NEK10: variants seen among roughly 807,000 people sequenced by gnomAD.
NEK10 encodes serine/threonine-protein kinase Nek10.
In NEK10, 122 loss-of-function variants were observed where a neutral mutation model predicts 159.8. The observed-to-expected ratio is 0.76, with a 90% CI of 0.66 to 0.89. The LOEUF (loss-of-function observed/expected upper bound fraction) is 0.89. NEK10 is among the 40% of genes least tolerant of loss of function. The pLI, the probability that NEK10 is intolerant of heterozygous loss-of-function variation, is 0.00. For missense variants in NEK10, 1,342 were observed against 1,323.1 expected, an observed-to-expected ratio of 1.01 and a Z score of -0.22; for synonymous variants, 466 against 457.1, an observed-to-expected ratio of 1.02 and a Z score of -0.25.
chr3:27,132,825 G>A (rs1281373667), intron 31 of NEK10, among the ~76,000 whole-genome samples: 4 of 152,086 alleles, frequency 2.6e-5, no homozygotes, highest in Non-Finnish European at 4.4e-5. Context: ...GAACTTGAAG[G>A]GAGAGAAAGA....
chr3:27,229,217 A>C (rs1332712092), intron 23 of NEK10, among the ~76,000 whole-genome samples: 1 of 152,202 alleles, frequency 6.6e-6, no homozygotes, highest in Non-Finnish European at 1.5e-5. Flanking sequence ...ACCAGCATCT[A>C]GGAAAGCCAG....
chr3:27,174,868 T>C (rs1460425010), intron 26 of NEK10, 35 bp from the exon 27 acceptor site: 6 of 1,507,772 alleles, frequency 4.0e-6, no homozygotes, highest in Non-Finnish European at 4.5e-6. Context: ...ATAGCCTCTT[T>C]CTCTATCCTT....
At chr3:27,128,706 T>C (rs1942265158) in intron 32 of NEK10, among the ~76,000 whole-genome samples, 1 of 152,082 alleles carries the variant, frequency 6.6e-6, no homozygotes, top group African/African-American at 2.4e-5. Context: ...AATTTATTAT[T>C]CTTATTGATG....
At chr3:27,187,880 A>G (rs1559574596) in intron 26 of NEK10, among the ~76,000 whole-genome samples, 1 of 152,174 alleles carries the variant, frequency 6.6e-6, no homozygotes, top group Non-Finnish European at 1.5e-5. Flanking sequence ...CAGCTTAATG[A>G]GGTATTCACA....
At chr3:27,207,217 T>G (rs1416867075) in intron 23 of NEK10, among the ~76,000 whole-genome samples, 1 of 152,212 alleles carries the variant, frequency 6.6e-6, no homozygotes, top group African/African-American at 2.4e-5. Context: ...AAATGCTAGT[T>G]CTTTCCTCAA....
At position 27,346,254 on chromosome 3, in the gene NEK10, A is replaced by G. The variant is rs754128642; in HGVS notation, c.133-38T>C. On this transcript the variant is annotated intron_variant, in intron 3 of 35. Transcript: ENST00000691995. The stretch of plus-strand genomic sequence containing the variant: ...AAGCATAGAGTACATGAGGATCACA[A>G]TTCAGCACGGGATAAAGAAAGTAAC... 14 of 1,610,148 alleles carry G rather than the reference A, an allele frequency of 8.7e-6. No homozygotes were observed. The South Asian group carries it at 9.9e-5, about 11-fold the overall frequency.
At position 27,325,623 on chromosome 3, in the gene NEK10, TCCCCA is replaced by T. The variant is rs550576941; in HGVS notation, c.363-3367_363-3363del. 2.7e-3 allele frequency among the ~76,000 whole-genome samples: 411 copies of T among 151,990 alleles called. 3 individuals carry two copies. The highest frequency in any genetic ancestry group is 9.7e-3 in the African/African-American group (401 of 41,452). The stretch of plus-strand genomic sequence containing the variant: ...TAGTGACTGCCACTAGAGGTGCTAC[TCCCCA>T]CCCCACCCCACTCACACTCCACCCC... On this transcript the variant is annotated intron_variant, in intron 5 of 35. Coordinates refer to ENST00000691995, the MANE Select transcript of NEK10 (RefSeq NM_001394966.1).
chr3:27,356,433 C>T (rs2048331888), intron 1 of NEK10, among the ~76,000 whole-genome samples: 1 of 152,050 alleles, frequency 6.6e-6, no homozygotes, highest in African/African-American at 2.4e-5. Context: ...TTGCTTGAGC[C>T]CAGGAGGTTG....
chr3:27,271,194 T>C (rs371508941), intron 22 of NEK10, among the ~76,000 whole-genome samples: 3 of 143,312 alleles, frequency 2.1e-5, no homozygotes, highest in South Asian at 2.3e-4. Flanking sequence ...TATCTATCTA[T>C]CTACCTATCT....
At chr3:27,283,323 T>C (rs934182666) in intron 22 of NEK10, among the ~76,000 whole-genome samples, 2 of 152,106 alleles carry the variant, frequency 1.3e-5, no homozygotes, top group Non-Finnish European at 1.5e-5. Flanking sequence ...GGCAACCCAA[T>C]GGGAGTAGGG....
chr3:27,233,034 A>C (rs2149218658), intron 23 of NEK10, among the ~76,000 whole-genome samples: 2 of 152,234 alleles, frequency 1.3e-5, no homozygotes, highest in South Asian at 4.1e-4. Flanking sequence ...AAAATAAATA[A>C]ATGGGACCTA....
intron 23 of NEK10, among the ~76,000 whole-genome samples, chr3:27,254,301 C>T (rs1030363834): frequency 6.6e-6 from 1 of 151,982 alleles, no homozygotes; most frequent in African/African-American, 2.4e-5. Flanking sequence ...GATTGGACAC[C>T]CCTGCTTTAC....
chr3:27,146,692 G>A (rs1944327419), intron 30 of NEK10, among the ~76,000 whole-genome samples: 1 of 152,182 alleles, frequency 6.6e-6, no homozygotes, highest in Non-Finnish European at 1.5e-5. Context: ...TTTCATAGAA[G>A]GTTCACCCAG....
chr3:27,155,426 C>T (rs967771660), intron 30 of NEK10, among the ~76,000 whole-genome samples: 3 of 151,542 alleles, frequency 2.0e-5, no homozygotes, highest in Non-Finnish European at 2.9e-5. Flanking sequence ...CACTTGAACC[C>T]GGGAGGCGGA....
chr3:27,322,440 A>T (rs1356970779), intron 5 of NEK10, among the ~76,000 whole-genome samples, 179 bp from the exon 6 acceptor site: 1 of 151,214 alleles, frequency 6.6e-6, no homozygotes, highest in Non-Finnish European at 1.5e-5. Flanking sequence ...CATTTAAACT[A>T]TCTTTTTCAG....
intron 5 of NEK10, among the ~76,000 whole-genome samples, chr3:27,328,254 G>A (rs994140723): frequency 3.3e-5 from 5 of 152,112 alleles, no homozygotes; most frequent in Non-Finnish European, 7.4e-5. Context: ...GTACAGCAGA[G>A]GAAAAACCCA....
At chr3:27,252,719 T>C (rs992887410) in intron 23 of NEK10, among the ~76,000 whole-genome samples, 7 of 152,164 alleles carry the variant, frequency 4.6e-5, no homozygotes, top group Admixed American at 2.0e-4. Flanking sequence ...ATTAACCAGA[T>C]GACAAATAGA....
Position 27,239,957 on chromosome 3 carries a change from T to C in NEK10, c.2090+16339A>G, listed in dbSNP as rs907597309. On this transcript the variant is annotated intron_variant, in intron 23 of 35. Transcript: ENST00000691995. ...AAGCACCTGCCTGAGAGTCTTTTTC[T>C]CCCTCAGTCTGTTATGAAGATGGTA... 2.0e-5 allele frequency among the ~76,000 whole-genome samples: 3 copies of C among 152,190 alleles called. No individual in the cohort carries two copies. The East Asian group carries it at 5.8e-4, about 29-fold the overall frequency.
intron 31 of NEK10, among the ~76,000 whole-genome samples, chr3:27,135,244 A>T (rs1943067151): frequency 6.6e-6 from 1 of 152,204 alleles, no homozygotes; most frequent in Non-Finnish European, 1.5e-5. Context: ...CAACATGGCA[A>T]GATCCATCTC....
Sources: gnomAD v4.1 joint callset for allele counts (sites outside exome capture counted in the v4.1 genomes callset) on GRCh38, gnomAD v4.1.1 for gene constraint, MANE v1.5 for transcripts, NCBI Gene and HGNC (gene_info 2026-07-23, HGNC 2026-07-21) for gene names.